Variants in FLT3 observed in about 807,000 individuals in gnomAD.
FLT3 encodes the protein fms related receptor tyrosine kinase 3.
A neutral mutation model predicts 126.6 loss-of-function variants in FLT3; 46 were observed. That is an observed-to-expected ratio of 0.36 (90% CI 0.29 to 0.46). The LOEUF (loss-of-function observed/expected upper bound fraction) is 0.46. FLT3 is among the 20% of genes least tolerant of loss of function. The pLI is 1.00. For synonymous variants in FLT3, 404 were observed against 434.4 expected, an observed-to-expected ratio of 0.93 and a Z score of 0.87; for missense variants, 1,069 against 1,190.3, an observed-to-expected ratio of 0.90 and a Z score of 1.50.
At chr13:28,073,355 A>G (rs79393634) in intron 1 of FLT3, 3 of 174,490 alleles carry the variant, frequency 1.7e-5, no homozygotes, top group East Asian at 1.8e-4. Flanking sequence ...ATCTCTGGAA[A>G]AAAAAAAAAA....
chr13:28,082,031 T>G lies in FLT3; in HGVS notation c.44-11419A>C, dbSNP rs1199665805. ...CCATCATGCCCGGCTAATTTTTATA[T>G]TTTTAGTAAAGACAGGGTTTCGCCA... On this transcript the variant is annotated intron_variant, in intron 1 of 23. Coordinates refer to ENST00000241453, the MANE Select transcript of FLT3 (RefSeq NM_004119.3). 3.3e-5 allele frequency among the ~76,000 whole-genome samples: 5 copies of G among 151,976 alleles called. No individual in the cohort carries two copies. In the East Asian group the frequency reaches 7.7e-4, roughly 24 times the overall value.
intron 1 of FLT3, among the ~76,000 whole-genome samples, chr13:28,090,421 A>G (rs1186134735): frequency 6.6e-6 from 1 of 152,206 alleles, no homozygotes; most frequent in Non-Finnish European, 1.5e-5. Context: ...TTAAACTCAT[A>G]GAACTGCATA....
rs989842106 is a variant in FLT3, at chr13:28,100,419, G to A, written c.43+49C>T. Reference sequence around the variant, plus strand: ...CGCGCCCGGGTCCACACTGCGGGGTGGGGGCTGAGGGACCGCGAGGGGCTG... The same window carrying A: ...CGCGCCCGGGTCCACACTGCGGGGTAGGGGCTGAGGGACCGCGAGGGGCTG... On this transcript the variant is annotated intron_variant, in intron 1 of 23. Coordinates refer to ENST00000241453, the MANE Select transcript of FLT3 (RefSeq NM_004119.3). This position sits in a 1 kb window ranked among gnomAD's most constrained non-coding sequence, Gnocchi z 4.8. The A allele has an allele frequency of 2.5e-6, 3 of 1,197,192 alleles. No homozygotes were observed. Among genetic ancestry groups the A allele is most frequent in the Admixed American group, 4.3e-5 (1 of 23,088 alleles). The allele number at this position is 1,197,192 out of a possible 1,614,324, so 74.2% of individuals were successfully genotyped here.
At chr13:28,018,332 G>A in intron 20 of FLT3, 135 bp downstream of exon 20, 3 of 956,690 alleles carry the variant, frequency 3.1e-6, no homozygotes, top group Non-Finnish European at 4.7e-6. Context: ...TTAAGCATAA[G>A]TAAGCAGACT....
At chr13:28,076,008 G>T (rs1877901130) in intron 1 of FLT3, among the ~76,000 whole-genome samples, 1 of 152,034 alleles carries the variant, frequency 6.6e-6, no homozygotes, top group Non-Finnish European at 1.5e-5. Context: ...TGTTGGCCAG[G>T]CTGGTCTGGA....
At chr13:28,066,823 T>C (rs1424326237) in intron 2 of FLT3, among the ~76,000 whole-genome samples, 2 of 152,070 alleles carry the variant, frequency 1.3e-5, no homozygotes, top group Non-Finnish European at 2.9e-5. Flanking sequence ...CTAAAATCAG[T>C]AGGTGAAAAT....
At position 28,057,378 on chromosome 13, in the gene FLT3, A is replaced by G; in HGVS notation, c.453T>C (p.Asn151=). 1 of 1,533,342 alleles carries G rather than the reference A, an allele frequency of 6.5e-7. No homozygotes were observed. Among genetic ancestry groups the G allele is most frequent in the Non-Finnish European group, 9.0e-7 (1 of 1,106,292 alleles). 95.0% of individuals were successfully genotyped at this position (1,533,342 alleles called of 1,614,324 possible). A position where few individuals can be genotyped will look rare whatever the true frequency, so the allele number is the denominator to read the frequency against. Residue 151 remains asparagine (N), a synonymous_variant, in exon 4 of 24, where the codon AAT becomes AAC. Coordinates refer to ENST00000241453, the MANE Select transcript of FLT3 (RefSeq NM_004119.3). ...TACTCACTGTAAACAATATTGTGTA[A>G]TTGGTAGCTTCACTCTGAATAAAAA... The part of the protein sequence containing the change: ...YLLFIQSEAT[N]YTILFTVSIR...
chr13:28,045,956 G>C (rs1157487039), intron 9 of FLT3, among the ~76,000 whole-genome samples: 6 of 97,910 alleles, frequency 6.1e-5, no homozygotes, highest in East Asian at 4.4e-4. Flanking sequence ...AAAAAAAAAT[G>C]CCAGGGGTTA....
intron 2 of FLT3, among the ~76,000 whole-genome samples, chr13:28,063,906 G>A (rs190070798): frequency 3.3e-5 from 5 of 152,150 alleles, no homozygotes; most frequent in South Asian, 2.1e-4. Context: ...TTTCTAAGCC[G>A]GATGTTTAAG....
At chr13:28,079,464 C>A (rs1028238498) in intron 1 of FLT3, among the ~76,000 whole-genome samples, 19 of 152,310 alleles carry the variant, frequency 1.2e-4, no homozygotes, top group Non-Finnish European at 2.4e-4. Context: ...GACACTTCCA[C>A]ATTTTCAGGT....
At chr13:28,057,775 C>T (rs1199761928) in intron 3 of FLT3, among the ~76,000 whole-genome samples, 1 of 152,176 alleles carries the variant, frequency 6.6e-6, no homozygotes, top group Non-Finnish European at 1.5e-5. Flanking sequence ...TGCGGTGGCT[C>T]ATACCTGTAA....
chr13:28,095,758 G>C (rs1430014994), intron 1 of FLT3, among the ~76,000 whole-genome samples: 2 of 152,184 alleles, frequency 1.3e-5, no homozygotes, highest in Non-Finnish European at 2.9e-5. Context: ...TTGAATGATA[G>C]GGGTTAGTTA....
At chr13:28,050,742 C>A (rs1180265984) in intron 5 of FLT3, among the ~76,000 whole-genome samples, 1 of 152,000 alleles carries the variant, frequency 6.6e-6, no homozygotes, top group African/African-American at 2.4e-5. Flanking sequence ...AAGTATTCAA[C>A]AGAGCAAAAC....
intron 1 of FLT3, among the ~76,000 whole-genome samples, chr13:28,071,050 A>C (rs1261930327): frequency 7.7e-6 from 1 of 130,636 alleles, no homozygotes. Context: ...GCTGGAGTGC[A>C]GTGGCGCGTT....
intron 2 of FLT3, 70 bp downstream of exon 2, chr13:28,070,421 G>C: frequency 7.5e-7 from 1 of 1,334,934 alleles, no homozygotes; most frequent in Admixed American, 1.8e-5. Flanking sequence ...GCCATGGTAG[G>C]CTTCAATAAC....
intron 1 of FLT3, among the ~76,000 whole-genome samples, chr13:28,094,331 T>C (rs1197660138): frequency 6.6e-6 from 1 of 152,148 alleles, no homozygotes; most frequent in African/African-American, 2.4e-5. Flanking sequence ...AGACTGTAAA[T>C]AATTGTATGG....
At chr13:28,063,712 A>G (rs1166093793) in intron 2 of FLT3, among the ~76,000 whole-genome samples, 1 of 131,568 alleles carries the variant, frequency 7.6e-6, no homozygotes, top group Non-Finnish European at 1.7e-5. Context: ...TAAGTGCAAG[A>G]CCATCTGCTG....
chr13:28,058,119 G>T (rs1876179360), intron 3 of FLT3, among the ~76,000 whole-genome samples: 1 of 151,358 alleles, frequency 6.6e-6, no homozygotes, highest in South Asian at 2.1e-4. Flanking sequence ...AGAACTTTGG[G>T]AGGCCAAGGC....
intron 8 of FLT3, 47 bp from the exon 9 acceptor site, chr13:28,048,490 G>T: frequency 8.0e-7 from 1 of 1,245,896 alleles, no homozygotes; most frequent in South Asian, 1.3e-5. Flanking sequence ...AATATTCATA[G>T]GGAAACGTAT....
Sources: gnomAD v4.1 joint callset for allele counts (sites outside exome capture counted in the v4.1 genomes callset) on GRCh38, gnomAD v4.1.1 for gene constraint, Gnocchi (gnomAD v3.1) non-coding constraint, MANE v1.5 for transcripts, NCBI Gene and HGNC (gene_info 2026-07-23, HGNC 2026-07-21) for gene names.